ADGRV1: variants seen among roughly 807,000 people sequenced by gnomAD.
ADGRV1 encodes the protein G-protein coupled receptor 98.
Under a neutral mutation model 596.2 loss-of-function variants are expected in ADGRV1, and 359 were observed. The ratio of observed to expected loss-of-function variants is 0.60; its 90% CI spans 0.55 to 0.66. The LOEUF is 0.66. ADGRV1 is among the 30% of genes least tolerant of loss of function. The pLI is 0.00. For synonymous variants in ADGRV1, 2,681 were observed against 2,679.2 expected (o/e 1.00, Z -0.02); for missense variants, 7,274 against 7,575.6 (o/e 0.96, Z 1.48).
intron 87 of ADGRV1, among the ~76,000 whole-genome samples, chr5:91,107,941 CTCTT>C (rs1386952178): frequency 6.6e-6 from 1 of 152,092 alleles, no homozygotes; most frequent in Non-Finnish European, 1.5e-5. Flanking sequence ...AAATTTTGGT[CTCTT>C]TCTTTGAAGA....
chr5:90,734,013 G>A (rs970839730), intron 50 of ADGRV1, among the ~76,000 whole-genome samples: 6 of 152,150 alleles, frequency 3.9e-5, no homozygotes, highest in African/African-American at 1.4e-4. Flanking sequence ...GTGAGATCAT[G>A]CAGTATTTGT....
chr5:90,902,198 G>A (rs530503222), intron 83 of ADGRV1, among the ~76,000 whole-genome samples: 4 of 152,204 alleles, frequency 2.6e-5, no homozygotes, highest in East Asian at 1.9e-4. Context: ...AATTATCCAC[G>A]TTATTTCTAC....
At chr5:91,060,600 G>A (rs1787339789) in intron 85 of ADGRV1, among the ~76,000 whole-genome samples, 1 of 152,090 alleles carries the variant, frequency 6.6e-6, no homozygotes, top group East Asian at 1.9e-4. Context: ...TAATAATAGT[G>A]CAAAGAAATG....
intron 50 of ADGRV1, among the ~76,000 whole-genome samples, chr5:90,731,727 C>T (rs557006008): frequency 2.6e-5 from 4 of 152,216 alleles, no homozygotes; most frequent in South Asian, 4.1e-4. Flanking sequence ...GCACATGGTG[C>T]GCCTGTGCCT....
intron 83 of ADGRV1, among the ~76,000 whole-genome samples, chr5:90,878,337 G>A (rs945255454): frequency 3.9e-5 from 6 of 152,178 alleles, no homozygotes; most frequent in African/African-American, 1.4e-4. Context: ...AACGCACACT[G>A]CCTAATCCTT....
intron 32 of ADGRV1, 146 bp from the exon 33 acceptor site, chr5:90,693,744 A>C: frequency 5.9e-6 from 3 of 510,970 alleles, no homozygotes; most frequent in Non-Finnish European, 9.7e-6. Context: ...TTGGGAGACA[A>C]GTGTAATTAA....
chr5:90,778,787 A>T, intron 63 of ADGRV1, 78 bp from the exon 64 acceptor site: 1 of 1,235,118 alleles, frequency 8.1e-7, no homozygotes, highest in African/African-American at 1.5e-5. Context: ...AATCCTGGTA[A>T]ATAGAACGTT....
rs1229179628 is a variant in ADGRV1, at chr5:90,646,057, G to T, written c.2988G>T (p.Arg996Ser). 52 of 1,596,494 alleles carry T rather than the reference G, an allele frequency of 3.3e-5. No homozygotes were observed. Among genetic ancestry groups the T allele is most frequent in the Non-Finnish European group, 4.2e-5 (49 of 1,170,638 alleles). ...GAAATAGAACAACTGCAACTCTGAG[G>T]ATTAGAAGAAATGATGACCCCATTT... ...KVGNRTTATLRIRRNDDPIYF... is the reference protein window; with the variant it reads ...KVGNRTTATLSIRRNDDPIYF... Residue 996 changes from arginine to serine, a missense_variant, in exon 16 of 90, where the codon AGG becomes AGT. This residue lies in a region of ADGRV1 where 1,715 missense variants were observed against 1,708.8 expected (regional missense o/e 1.00). Coordinates refer to ENST00000405460, the MANE Select transcript of ADGRV1 (RefSeq NM_032119.4).
intron 83 of ADGRV1, among the ~76,000 whole-genome samples, chr5:90,925,583 A>T (rs1404134840): frequency 1.3e-5 from 2 of 151,438 alleles, no homozygotes; most frequent in African/African-American, 4.9e-5. Context: ...GCAAACAGGG[A>T]CAATTTGACT....
At position 91,095,822 on chromosome 5, in the gene ADGRV1, G is replaced by A. The variant is rs545964969; in HGVS notation, c.18311-6397G>A. 2.0e-5 allele frequency among the ~76,000 whole-genome samples: 3 copies of A among 150,646 alleles called. No individual in the cohort carries two copies. The East Asian group carries it at 5.9e-4, about 29-fold the overall frequency. On this transcript the variant is annotated intron_variant, in intron 86 of 89. Transcript: ENST00000405460. ...TTTTTGAAATAGTTTCACTCTTGTT[G>A]CCCAGGCTGGAATGCAATGGTGCGA...
intron 84 of ADGRV1, among the ~76,000 whole-genome samples, chr5:90,981,581 G>A (rs557579363): frequency 4.6e-5 from 7 of 152,146 alleles, no homozygotes; most frequent in Non-Finnish European, 1.0e-4. Flanking sequence ...ATGTGCATGG[G>A]TGTGTATGTG....
At chr5:91,144,497 G>C (rs906133017) in intron 87 of ADGRV1, among the ~76,000 whole-genome samples, 1 of 152,014 alleles carries the variant, frequency 6.6e-6, no homozygotes, top group African/African-American at 2.4e-5. Flanking sequence ...TTGTAGAGAT[G>C]GGGTCTCTAG....
At chr5:90,865,750 C>T (rs760918214) in intron 83 of ADGRV1, among the ~76,000 whole-genome samples, 6 of 152,078 alleles carry the variant, frequency 3.9e-5, no homozygotes, top group Admixed American at 6.6e-5. Context: ...GAATAGTTAT[C>T]TCCCTTAAAA....
intron 82 of ADGRV1, among the ~76,000 whole-genome samples, chr5:90,862,371 C>T (rs1010250232): frequency 3.3e-5 from 5 of 152,092 alleles, no homozygotes; most frequent in Non-Finnish European, 7.4e-5. Context: ...CACACACACA[C>T]ACACACAGAC....
intron 87 of ADGRV1, among the ~76,000 whole-genome samples, chr5:91,134,039 A>G (rs888325828): frequency 6.6e-6 from 1 of 152,236 alleles, no homozygotes; most frequent in Non-Finnish European, 1.5e-5. Flanking sequence ...TATTAATTTC[A>G]CACATGTGTA....
chr5:91,080,962 C>A (rs893078023), intron 86 of ADGRV1, among the ~76,000 whole-genome samples: 3 of 152,122 alleles, frequency 2.0e-5, no homozygotes, highest in Admixed American at 6.5e-5. Flanking sequence ...ATGTTCCCCT[C>A]CCTTTCTTCA....
chr5:90,928,105 G>T (rs954824827), intron 83 of ADGRV1, among the ~76,000 whole-genome samples: 2 of 152,062 alleles, frequency 1.3e-5, no homozygotes, highest in African/African-American at 4.8e-5. Flanking sequence ...TGATAATTAT[G>T]TGTCTTGAAG....
At chr5:90,722,433 G>A (rs201944027) in intron 45 of ADGRV1, among the ~76,000 whole-genome samples, 7 of 151,966 alleles carry the variant, frequency 4.6e-5, no homozygotes, top group African/African-American at 7.3e-5. Context: ...CTGCTGGGCC[G>A]GGCGCGGTGG....
At chr5:91,115,874 G>C (rs1267057420) in intron 87 of ADGRV1, among the ~76,000 whole-genome samples, 1 of 152,130 alleles carries the variant, frequency 6.6e-6, no homozygotes, top group Non-Finnish European at 1.5e-5. Flanking sequence ...TTGAACACTG[G>C]AGGCGGAGGT....
Sources: gnomAD v4.1 joint callset for allele counts (sites outside exome capture counted in the v4.1 genomes callset) on GRCh38, gnomAD v4.1.1 for gene constraint, gnomAD v4.1.1 regional missense constraint, MANE v1.5 for transcripts, NCBI Gene and HGNC (gene_info 2026-07-23, HGNC 2026-07-21) for gene names.